SH3PXD2A: variants seen among roughly 807,000 people sequenced by gnomAD.
SH3PXD2A encodes the protein SH3 and PX domains 2A, also known as SH3 and PX domain-containing protein 2A.
In SH3PXD2A, 32 loss-of-function variants were observed where a neutral mutation model predicts 115.2. The observed-to-expected ratio is 0.28, with a 90% CI of 0.21 to 0.37. SH3PXD2A has a LOEUF of 0.37. Ranked by LOEUF, SH3PXD2A falls within the 10% of genes least tolerant of loss-of-function variation. The probability of loss-of-function intolerance (pLI) is 1.00; values close to 1 mark genes in which losing one functional copy is unlikely to be tolerated. For missense variants in SH3PXD2A, 1,328 were observed against 1,498.7 expected, an observed-to-expected ratio of 0.89 and a Z score of 1.88; for synonymous variants, 610 against 629.1, an observed-to-expected ratio of 0.97 and a Z score of 0.45.
intron 8 of SH3PXD2A, among the ~76,000 whole-genome samples, chr10:103,633,064 C>T (rs868344045): frequency 6.6e-6 from 1 of 152,204 alleles, no homozygotes; most frequent in Non-Finnish European, 1.5e-5. Context: ...CCTGAAGCCA[C>T]ACAGCCCCAC....
chr10:103,635,885 C>T (rs961667706), intron 8 of SH3PXD2A, among the ~76,000 whole-genome samples: 2 of 152,228 alleles, frequency 1.3e-5, no homozygotes, highest in African/African-American at 4.8e-5. Context: ...GACCCAGGGG[C>T]TGAGGAGAGG....
At chr10:103,618,688 T>C (rs544044541) in intron 10 of SH3PXD2A, among the ~76,000 whole-genome samples, 1 of 152,336 alleles carries the variant, frequency 6.6e-6, no homozygotes, top group South Asian at 2.1e-4. Context: ...CGATGGGAAG[T>C]GCTGTGAGCT....
At chr10:103,623,847 G>C (rs1426679832) in intron 9 of SH3PXD2A, among the ~76,000 whole-genome samples, 3 of 152,230 alleles carry the variant, frequency 2.0e-5, no homozygotes, top group Admixed American at 2.0e-4. Flanking sequence ...AGGGAGAGGT[G>C]GGGGAGGTGT....
At chr10:103,630,420 C>CAT (rs1181936007) in intron 8 of SH3PXD2A, among the ~76,000 whole-genome samples, 1 of 152,214 alleles carries the variant, frequency 6.6e-6, no homozygotes, top group Non-Finnish European at 1.5e-5. Flanking sequence ...GATGTGGGCA[C>CAT]ATCTGGCCAC....
At chr10:103,844,885 A>C (rs1420633463) in intron 1 of SH3PXD2A, among the ~76,000 whole-genome samples, 1 of 152,230 alleles carries the variant, frequency 6.6e-6, no homozygotes, top group Non-Finnish European at 1.5e-5. Flanking sequence ...CATGTGAACC[A>C]GAGCAACTCC....
At chr10:103,744,581 T>G (rs1460416280) in intron 3 of SH3PXD2A, among the ~76,000 whole-genome samples, 3 of 152,158 alleles carry the variant, frequency 2.0e-5, no homozygotes, top group Non-Finnish European at 4.4e-5. Flanking sequence ...TGAGATGACA[T>G]CCCCAGAGTC....
At chr10:103,689,457 G>A (rs1342621331) in intron 6 of SH3PXD2A, among the ~76,000 whole-genome samples, 3 of 152,236 alleles carry the variant, frequency 2.0e-5, no homozygotes, top group East Asian at 3.9e-4. Context: ...TTAAGGTCAG[G>A]AGTTCGAGAC....
intron 3 of SH3PXD2A, 119 bp from the exon 4 acceptor site, chr10:103,735,927 T>C: frequency 3.7e-6 from 3 of 812,322 alleles, no homozygotes; most frequent in Admixed American, 3.5e-5. Context: ...CACCACCCCG[T>C]CCACGGTCAA....
chr10:103,765,215 G>A (rs971065079), intron 3 of SH3PXD2A, among the ~76,000 whole-genome samples: 10 of 152,196 alleles, frequency 6.6e-5, no homozygotes, highest in Non-Finnish European at 1.5e-4. Flanking sequence ...ACAAGGGGCT[G>A]AGGTAGCGGC....
chr10:103,733,636 C>A (rs1234215719), intron 4 of SH3PXD2A, among the ~76,000 whole-genome samples: 3 of 152,124 alleles, frequency 2.0e-5, no homozygotes, highest in Non-Finnish European at 2.9e-5. Flanking sequence ...AACATGTGAC[C>A]CAAGTATAAT....
At chr10:103,810,985 G>A (rs1323990429) in intron 1 of SH3PXD2A, among the ~76,000 whole-genome samples, 1 of 138,632 alleles carries the variant, frequency 7.2e-6, no homozygotes, top group African/African-American at 2.7e-5. Flanking sequence ...CACACACACG[G>A]CAGTGGTGGA....
chr10:103,612,730 C>T (rs2036446766), intron 12 of SH3PXD2A, 123 bp downstream of exon 12: 2 of 623,894 alleles, frequency 3.2e-6, no homozygotes. Context: ...GGTCAAAGGC[C>T]AGTCTGTAGC....
At chr10:103,750,196 T>G (rs1187513220) in intron 3 of SH3PXD2A, among the ~76,000 whole-genome samples, 1 of 152,126 alleles carries the variant, frequency 6.6e-6, no homozygotes, top group Non-Finnish European at 1.5e-5. Context: ...GGACCACAGG[T>G]GCATGATGCC....
chr10:103,790,189 G>C (rs960728576), intron 2 of SH3PXD2A, among the ~76,000 whole-genome samples: 24 of 150,256 alleles, frequency 1.6e-4, no homozygotes, highest in African/African-American at 5.6e-4. Context: ...GAGTCTCGCT[G>C]TGTCGCCCAG....
intron 8 of SH3PXD2A, among the ~76,000 whole-genome samples, chr10:103,632,097 G>A (rs956371916): frequency 6.6e-6 from 1 of 152,044 alleles, no homozygotes. Flanking sequence ...GGCACGGGAG[G>A]TTGAGGCTGC....
intron 8 of SH3PXD2A, among the ~76,000 whole-genome samples, chr10:103,646,106 A>T (rs1344915448): frequency 6.6e-6 from 1 of 152,092 alleles, no homozygotes; most frequent in Non-Finnish European, 1.5e-5. Flanking sequence ...CTTTCCCATC[A>T]GTTTCATCGG....
chr10:103,638,299 C>T (rs1293255907), intron 8 of SH3PXD2A, among the ~76,000 whole-genome samples: 6 of 152,220 alleles, frequency 3.9e-5, no homozygotes, highest in Admixed American at 3.9e-4. Flanking sequence ...ATTTGGAAGG[C>T]TCCGTGGAGT....
At position 103,759,243 on chromosome 10, in the gene SH3PXD2A, G is replaced by A. The variant is rs80332186; in HGVS notation, c.229+7851C>T. ...CAAACTGCCTCTTCATTACAGGGCC[G>A]TTACGTAAACTGGCGAGTCAGTACA... On this transcript the variant is annotated intron_variant, in intron 3 of 14. Coordinates refer to ENST00000369774, the MANE Select transcript of SH3PXD2A (RefSeq NM_001394015.1). Among the ~76,000 whole-genome samples the A allele has an allele frequency of 5.4e-3, 817 of 152,262 alleles. 13 individuals are homozygous for A. The highest frequency in any genetic ancestry group is 0.018 in the African/African-American group (767 of 41,552).
chr10:103,635,762 T>TGCCAGAAG (rs35267897), intron 8 of SH3PXD2A, among the ~76,000 whole-genome samples: 22,427 of 152,202 alleles, frequency 0.15, 2,170 homozygotes, highest in African/African-American at 0.25. Flanking sequence ...CATGTCTGTG[T>TGCCAGAAG]GCCAGGGCCC....
Sources: gnomAD v4.1 joint callset for allele counts (sites outside exome capture counted in the v4.1 genomes callset) on GRCh38, gnomAD v4.1.1 for gene constraint, MANE v1.5 for transcripts, NCBI Gene and HGNC (gene_info 2026-07-23, HGNC 2026-07-21) for gene names.